ZNF136: variants seen among roughly 807,000 people sequenced by gnomAD.
The protein encoded by ZNF136 is zinc finger protein 136.
ZNF136 carries 8 observed loss-of-function variants against 11.4 expected under a neutral mutation model. The ratio of observed to expected loss-of-function variants is 0.70; its 90% CI spans 0.41 to 1.27. The LOEUF is 1.27. ZNF136 is among the 50% of genes most tolerant of loss of function. The pLI is 0.01. For synonymous variants in ZNF136, 190 were observed against 207.1 expected, an observed-to-expected ratio of 0.92 and a Z score of 0.71; for missense variants, 590 against 656.5, an observed-to-expected ratio of 0.90 and a Z score of 1.11.
At chr19:12,179,702 A>G (rs1202627261) in intron 1 of ZNF136, among the ~76,000 whole-genome samples, 1 of 152,204 alleles carries the variant, frequency 6.6e-6, no homozygotes, top group African/African-American at 2.4e-5. Context: ...ACTATGAAGA[A>G]GCAAGGTTAT....
Position 12,186,194 on chromosome 19 carries a change from AG to A in ZNF136, c.191+21del. ...TCTAAGGTAATTTGTACTCAGAGAA[AG>A]CAAATTCACTTGAAAGTACCTTAGC... is the stretch of plus-strand genomic sequence containing the variant. On this transcript the variant is annotated intron_variant, in intron 3 of 3. Transcript: ENST00000343979. 6.2e-7 allele frequency: 1 copy of A among 1,600,704 alleles called. No homozygotes were observed. The highest frequency in any genetic ancestry group is 8.5e-7 in the Non-Finnish European group (1 of 1,175,800).
At chr19:12,182,393 A>G (rs1323847322) in intron 1 of ZNF136, among the ~76,000 whole-genome samples, 9 of 152,242 alleles carry the variant, frequency 5.9e-5, no homozygotes, top group Admixed American at 3.3e-4. Flanking sequence ...GGCTGCCCCA[A>G]GAAGCCCATA....
chr19:12,166,951 C>G (rs1599450934), intron 1 of ZNF136, among the ~76,000 whole-genome samples: 1 of 152,220 alleles, frequency 6.6e-6, no homozygotes, highest in Admixed American at 6.5e-5. Flanking sequence ...AGGAAGGCAC[C>G]AATCAAATAT....
chr19:12,178,136 T>C (rs574114232), intron 1 of ZNF136, among the ~76,000 whole-genome samples: 8 of 152,274 alleles, frequency 5.3e-5, no homozygotes, highest in African/African-American at 1.7e-4. Flanking sequence ...AAGTTTTAAA[T>C]TGGATTGTTT....
intron 1 of ZNF136, among the ~76,000 whole-genome samples, chr19:12,178,995 G>GA (rs1914868461): frequency 1.7e-5 from 2 of 119,784 alleles, no homozygotes; most frequent in South Asian, 5.1e-4. Context: ...TCTCACAAAA[G>GA]AAAAAAAAGA....
At chr19:12,163,392 C>CG (rs1165407423) in intron 1 of ZNF136, among the ~76,000 whole-genome samples, 186 bp downstream of exon 1, 1 of 152,220 alleles carries the variant, frequency 6.6e-6, no homozygotes, top group Admixed American at 6.5e-5. Context: ...GCCGGGACCC[C>CG]GGGCGTCCTC....
chr19:12,177,518 T>A (rs1170488508), intron 1 of ZNF136, among the ~76,000 whole-genome samples: 1 of 152,136 alleles, frequency 6.6e-6, no homozygotes, highest in Non-Finnish European at 1.5e-5. Context: ...CCAGCTAATT[T>A]TTGTGTTTTT....
At chr19:12,168,431 T>C (rs924395893) in intron 1 of ZNF136, among the ~76,000 whole-genome samples, 1 of 152,036 alleles carries the variant, frequency 6.6e-6, no homozygotes, top group Non-Finnish European at 1.5e-5. Flanking sequence ...GTTCTGTTAA[T>C]GTAAAAATTC....
At chr19:12,164,442 T>A (rs1369591495) in intron 1 of ZNF136, among the ~76,000 whole-genome samples, 2 of 98,936 alleles carry the variant, frequency 2.0e-5, no homozygotes, top group Non-Finnish European at 4.0e-5. Context: ...CAGATAACTT[T>A]TTTTTTTTTT....
intron 1 of ZNF136, among the ~76,000 whole-genome samples, chr19:12,170,164 G>C (rs1044901163): frequency 1.3e-5 from 2 of 150,500 alleles, no homozygotes; most frequent in Non-Finnish European, 3.0e-5. Flanking sequence ...TCCTGACCTT[G>C]TGATTCACCC....
chr19:12,178,245 C>T (rs918391681), intron 1 of ZNF136, among the ~76,000 whole-genome samples: 1 of 152,186 alleles, frequency 6.6e-6, no homozygotes, highest in Non-Finnish European at 1.5e-5. Context: ...CGTGTGTTGC[C>T]TGCCTTTCCA....
In ZNF136 at chr19:12,187,916, A is replaced by G; in HGVS notation, c.1538A>G (p.Tyr513Cys). ...PYHCKECGKAYSCRASFQRHM... is the reference protein window; with the variant it reads ...PYHCKECGKACSCRASFQRHM... ...CATTGCAAGGAATGTGGGAAAGCCT[A>G]TTCTTGCCGTGCCAGCTTTCAGAGA... is the stretch of plus-strand genomic sequence containing the variant. Residue 513 changes from tyrosine to cysteine, a missense_variant, in exon 4 of 4, where the codon TAT (tyrosine) becomes TGT (cysteine). Transcript: ENST00000343979. The G allele has an allele frequency of 6.3e-7, 1 of 1,581,456 alleles. No individual in the cohort carries two copies. The highest frequency in any genetic ancestry group is 1.4e-5 in the African/African-American group (1 of 73,306).
In ZNF136 at chr19:12,170,218, G is replaced by A. The variant is rs535095148; in HGVS notation, c.3+7012G>A. On this transcript the variant is annotated intron_variant, in intron 1 of 3. Coordinates refer to ENST00000343979, the MANE Select transcript of ZNF136 (RefSeq NM_003437.5). ...GCTGGGATTACAGGCGTGAGCCACC[G>A]CGCCCGGCCTTTTGTGGTTTCTTTG... is the stretch of plus-strand genomic sequence containing the variant. Among the ~76,000 whole-genome samples the A allele has an allele frequency of 5.2e-4, 79 of 151,094 alleles. 1 individual carries two copies. The highest frequency in any genetic ancestry group is 3.5e-3 in the Middle Eastern group (1 of 282).
chr19:12,163,631 C>A (rs1412508023), intron 1 of ZNF136: 4 of 187,302 alleles, frequency 2.1e-5, no homozygotes, highest in Non-Finnish European at 4.4e-5. Context: ...CTCTGTCCCC[C>A]AGCCTGCTGT....
intron 1 of ZNF136, among the ~76,000 whole-genome samples, chr19:12,174,321 T>C (rs1163821428): frequency 6.6e-6 from 1 of 152,188 alleles, no homozygotes; most frequent in Non-Finnish European, 1.5e-5. Flanking sequence ...TTAGATGATA[T>C]GCAGAGGGTT....
chr19:12,187,704 T>TA lies in ZNF136; in HGVS notation c.1327dup (p.Thr443AsnfsTer7), dbSNP rs759908866. 6.2e-7 allele frequency: 1 copy of TA among 1,614,008 alleles called. No homozygotes were observed. Among genetic ancestry groups the TA allele is most frequent in the Admixed American group, 1.7e-5 (1 of 60,002 alleles). On this transcript the variant is annotated frameshift_variant, in exon 4 of 4. Coordinates refer to ENST00000343979, the MANE Select transcript of ZNF136 (RefSeq NM_003437.5). LOFTEE classifies it low-confidence loss of function (END_TRUNC). ...CAATTCGAATACATGAAAGAACTCA[T>TA]ACTGGAGAGAAACCCTATGAGTGTA...
Position 12,188,050 on chromosome 19 carries a change from C to T in ZNF136, c.*49C>T. 3 of 1,420,760 alleles carry T rather than the reference C, an allele frequency of 2.1e-6. No individual in the cohort carries two copies. Among genetic ancestry groups the T allele is most frequent in the Middle Eastern group, 1.9e-4 (1 of 5,354 alleles). The allele number at this position is 1,420,760 out of a possible 1,614,324, so 88.0% of individuals were successfully genotyped here. A position where few individuals can be genotyped will look rare whatever the true frequency, so the allele number is the denominator to read the frequency against. ...ATTAAAATACTCACTGAAGAGAAGC[C>T]CTATGAATGTAAGTAACGTGGGAAA... is the stretch of plus-strand genomic sequence containing the variant. On this transcript the variant is annotated 3_prime_UTR_variant, in exon 4 of 4. Transcript: ENST00000343979.
At chr19:12,178,014 G>A (rs533987483) in intron 1 of ZNF136, among the ~76,000 whole-genome samples, 5 of 152,292 alleles carry the variant, frequency 3.3e-5, no homozygotes, top group African/African-American at 1.2e-4. Flanking sequence ...AGCTGAGGTG[G>A]GAGGATGGCT....
intron 1 of ZNF136, chr19:12,184,860 T>TA (rs575591574): frequency 1.3e-5 from 2 of 152,186 alleles, no homozygotes; most frequent in Non-Finnish European, 2.9e-5. Context: ...GAGCTACTCT[T>TA]ACATAGGTCA....
Sources: allele counts gnomAD v4.1 joint callset (sites outside exome capture counted in the v4.1 genomes callset), GRCh38; gene constraint gnomAD v4.1.1; transcripts MANE v1.5; gene names NCBI Gene and HGNC (gene_info 2026-07-23, HGNC 2026-07-21).